The following DNAH1 variants were observed in gnomAD, a reference collection of about 807,000 sequenced individuals.
The protein encoded by DNAH1 is dynein axonemal heavy chain 1.
Under a neutral mutation model 484.3 loss-of-function variants are expected in DNAH1, and 327 were observed. That is an observed-to-expected ratio of 0.68 (90% confidence interval 0.62 to 0.74). The LOEUF is 0.74. Ranked by LOEUF, DNAH1 falls within the 30% of genes least tolerant of loss-of-function variation. The probability of loss-of-function intolerance (pLI) is 0.00; values close to 1 mark genes in which losing one functional copy is unlikely to be tolerated. For synonymous variants in DNAH1, 2,192 were observed against 2,191.9 expected, an observed-to-expected ratio of 1.00 and a Z score of 0.00; for missense variants, 5,052 against 5,546.8, an observed-to-expected ratio of 0.91 and a Z score of 2.83.
Position 52,395,160 on chromosome 3 carries a change from G to A in DNAH1, c.10968+101G>A. 1 of 1,507,354 alleles carries A rather than the reference G, an allele frequency of 6.6e-7. No homozygotes were observed. Among genetic ancestry groups the A allele is most frequent in the Non-Finnish European group, 8.9e-7 (1 of 1,121,924 alleles). The allele number at this position is 1,507,354 out of a possible 1,614,324, so 93.4% of individuals were successfully genotyped here. A position where few individuals can be genotyped will look rare whatever the true frequency, so the allele number is the denominator to read the frequency against. On this transcript the variant is annotated intron_variant, in intron 68 of 77. Coordinates refer to ENST00000420323, the MANE Select transcript of DNAH1 (RefSeq NM_015512.5). This position sits in a 1 kb window ranked among gnomAD's most constrained non-coding sequence, Gnocchi z 4.4. The stretch of plus-strand genomic sequence containing the variant: ...TGGATAGACTACTTGGCCAGGCCAG[G>A]ACCCCTGCTTGCTCCCTAAAGGCTC...
In DNAH1 at chr3:52,388,815, G is replaced by A. The variant is rs374687152; in HGVS notation, c.9373G>A (p.Gly3125Arg). ...GGGGCTGCCCCTCCAGCTCATCAAC[G>A]GGCTGTCGGATGAGAAGGTGCGCTG... ...RLGRAGKLIN[G>R]LSDEKVRWQE... The change falls in exon 59 of 78, where the codon GGG becomes AGG. Residue 3125 changes from glycine (G) to arginine (R), a missense_variant. Around this residue, in one of 4 missense-constraint regions of DNAH1, gnomAD observed 2,929 missense variants for 3,409.4 expected, o/e 0.86. Coordinates refer to ENST00000420323, the MANE Select transcript of DNAH1 (RefSeq NM_015512.5). 5.0e-6 allele frequency: 8 copies of A among 1,613,540 alleles called. No individual in the cohort carries two copies. In the East Asian group the frequency reaches 8.9e-5, roughly 18 times the overall value.
intron 11 of DNAH1, among the ~76,000 whole-genome samples, chr3:52,347,166 G>T (rs1702178157): frequency 6.6e-6 from 1 of 152,220 alleles, no homozygotes; most frequent in Admixed American, 6.5e-5. Context: ...CAGGGAGGAG[G>T]TGGCATCTGT....
At position 52,391,512 on chromosome 3, in the gene DNAH1, A is replaced by C; in HGVS notation, c.9961A>C (p.Arg3321=). The change falls in exon 63 of 78, where the codon AGG becomes CGG. Residue 3321 remains arginine, a synonymous_variant. Transcript: ENST00000420323. ...DTVIPYHEDF[R]MYITTKLPNP... is the part of the protein sequence containing the mutation. ...GGTGATCCCCTACCATGAGGACTTC[A>C]GGATGTACATCACCACCAAGCTGCC... is the stretch of plus-strand genomic sequence containing the variant. 1 of 1,613,682 alleles carries C rather than the reference A, an allele frequency of 6.2e-7. No homozygotes were observed. The highest frequency in any genetic ancestry group is 8.5e-7 in the Non-Finnish European group (1 of 1,179,750).
chr3:52,386,495 G>T (rs902582447), intron 55 of DNAH1, 150 bp downstream of exon 55: 6 of 1,313,378 alleles, frequency 4.6e-6, no homozygotes, highest in Non-Finnish European at 6.1e-6. Flanking sequence ...CCTGGGTTGG[G>T]GAACAGAAGG....
chr3:52,322,067 G>T (rs571182181), intron 1 of DNAH1, among the ~76,000 whole-genome samples: 2 of 152,284 alleles, frequency 1.3e-5, no homozygotes, highest in East Asian at 3.9e-4. Context: ...CTACTGAGAA[G>T]TCAGGCCTTG....
intron 5 of DNAH1, 21 bp from the exon 6 acceptor site, chr3:52,327,861 T>G (rs766048322): frequency 6.2e-7 from 1 of 1,611,456 alleles, no homozygotes; most frequent in South Asian, 1.1e-5. Flanking sequence ...TTCTTCCCAA[T>G]GTTGGCCTGC....
In DNAH1 at chr3:52,379,963, G is replaced by A. The variant is rs763423150; in HGVS notation, c.7436G>A (p.Arg2479Gln). Residue 2479 changes from arginine (R) to glutamine (Q), a missense_variant, in exon 48 of 78, where the codon CGA becomes CAA. Arg to Gln is a conservative substitution (Grantham distance 43). Around this residue, in one of 4 missense-constraint regions of DNAH1, gnomAD observed 2,929 missense variants for 3,409.4 expected, o/e 0.86. Coordinates refer to ENST00000420323, the MANE Select transcript of DNAH1 (RefSeq NM_015512.5). This position sits in a 1 kb window ranked among gnomAD's most constrained non-coding sequence, Gnocchi z 4.4. The part of the protein sequence containing the change: ...YHENCRVFRD[R>Q]LVNEEDRSWF... ...GAGAACTGCCGCGTGTTCCGGGACC[G>A]ACTGGTGAATGAGGAGGACCGCAGC... The A allele has an allele frequency of 1.9e-5, 30 of 1,584,154 alleles. No homozygotes were observed. The highest frequency in any genetic ancestry group is 1.7e-4 in the Middle Eastern group (1 of 6,038).
chr3:52,396,501 G>A lies in DNAH1; in HGVS notation c.11393G>A (p.Ser3798Asn). ...GVRANLLKSY[S>N]SLGEDFLNSC... The stretch of plus-strand genomic sequence containing the variant: ...AGGGCCAACCTGCTGAAGTCCTATA[G>A]TAGCCTTGGTGAAGACTTCCTCAAC... The change falls in exon 71 of 78, where the codon AGT (serine) becomes AAT (asparagine). Residue 3798 changes from serine to asparagine, a missense_variant. By Grantham distance (46) the Ser-to-Asn change is conservative. Around this residue, in one of 4 missense-constraint regions of DNAH1, gnomAD observed 853 missense variants for 899.0 expected, o/e 0.95. Transcript: ENST00000420323. 1 of 1,610,250 alleles carries A rather than the reference G, an allele frequency of 6.2e-7. No homozygotes were observed. The highest frequency in any genetic ancestry group is 1.7e-4 in the Middle Eastern group (1 of 6,060).
In DNAH1 at chr3:52,354,956, C is replaced by T. The variant is rs561641586; in HGVS notation, c.3594C>T (p.Asp1198=). The change falls in exon 21 of 78, where the codon GAC becomes GAT. Residue 1198 remains aspartate, a synonymous_variant. Transcript: ENST00000420323. The stretch of plus-strand genomic sequence containing the variant: ...CGGACGAGGCCTCACAGCTGCTGGA[C>T]GACCACATCGTCATGACCCAGAATA... ...KSPDEASQLL[D]DHIVMTQNMS... 168 of 1,614,004 alleles carry T rather than the reference C, an allele frequency of 1.0e-4. No homozygotes were observed. In the South Asian group the frequency reaches 1.6e-3, roughly 15 times the overall value.
intron 17 of DNAH1, 51 bp downstream of exon 17, chr3:52,352,154 C>T (rs1014169116): frequency 1.7e-5 from 27 of 1,545,596 alleles, no homozygotes; most frequent in East Asian, 9.8e-5. Flanking sequence ...ACCACACGCA[C>T]GCACAGTTCT....
chr3:52,390,808 C>T, intron 60 of DNAH1, 127 bp from the exon 61 acceptor site: 1 of 1,406,600 alleles, frequency 7.1e-7, no homozygotes, highest in African/African-American at 1.4e-5. Flanking sequence ...CTGCCCCCAA[C>T]CTCCAAGGGG....
intron 65 of DNAH1, 80 bp from the exon 66 acceptor site, chr3:52,393,254 G>A: frequency 6.3e-7 from 1 of 1,588,900 alleles, no homozygotes; most frequent in South Asian, 1.1e-5. Context: ...CTGCTGGGGA[G>A]ACTGGCTAGG....
Position 52,368,777 on chromosome 3 carries a change from G to T in DNAH1, c.5802G>T (p.Gly1934=). ...DGIFSSFIRA[G]AITSDTNKKW... ...TATTCTCCTCGTTCATCCGGGCGGGGGCCATCACCTCCGACACCAACAAGA... is the reference window on the plus strand; with the variant it reads ...TATTCTCCTCGTTCATCCGGGCGGGTGCCATCACCTCCGACACCAACAAGA... The change falls in exon 37 of 78, where the codon GGG becomes GGT. Residue 1934 remains glycine, a synonymous_variant. Coordinates refer to ENST00000420323, the MANE Select transcript of DNAH1 (RefSeq NM_015512.5). The surrounding 1 kb of genome is among the most constrained non-coding windows in gnomAD (Gnocchi z 4.4). 6.2e-7 allele frequency: 1 copy of T among 1,613,920 alleles called. No individual in the cohort carries two copies. Among genetic ancestry groups the T allele is most frequent in the South Asian group, 1.1e-5 (1 of 91,072 alleles).
At chr3:52,323,909 G>A in intron 3 of DNAH1, 29 bp downstream of exon 3, 2 of 1,521,702 alleles carry the variant, frequency 1.3e-6, no homozygotes, top group Non-Finnish European at 1.8e-6. Flanking sequence ...TGTGTGAGTG[G>A]GTCCCGGTAG....
rs1228148339 is a variant in DNAH1 at position 52,353,826 on chromosome 3, C to T, written c.3480+193C>T. On this transcript the variant is annotated intron_variant, in intron 20 of 77. Coordinates refer to ENST00000420323, the MANE Select transcript of DNAH1 (RefSeq NM_015512.5). This position sits in a 1 kb window ranked among gnomAD's most constrained non-coding sequence, Gnocchi z 5.0. ...CACATAAAATTCTTGACAGTGTCCA[C>T]CATTGCTATTATTTTTCAGTTACTC... 9.3e-6 allele frequency: 7 copies of T among 750,050 alleles called. No individual in the cohort carries two copies. In the Admixed American group the frequency reaches 2.1e-4, roughly 23 times the overall value. 46.5% of individuals were successfully genotyped at this position (750,050 alleles called of 1,614,324 possible). A position where few individuals can be genotyped will look rare whatever the true frequency, so the allele number is the denominator to read the frequency against.
At chr3:52,371,380 G>A (rs562105997) in intron 41 of DNAH1, among the ~76,000 whole-genome samples, 4 of 152,362 alleles carry the variant, frequency 2.6e-5, no homozygotes, top group East Asian at 1.9e-4. Context: ...TGGGTCTAAC[G>A]TTTAAGACTG....
At position 52,373,201 on chromosome 3, in the gene DNAH1, G is replaced by A. The variant is rs542961386; in HGVS notation, c.6985+148G>A. The A allele has an allele frequency of 2.9e-5, 35 of 1,188,058 alleles. No individual in the cohort carries two copies. The South Asian group carries it at 4.8e-4, about 16-fold the overall frequency. The allele number at this position is 1,188,058 out of a possible 1,614,324, so 73.6% of individuals were successfully genotyped here. A position where few individuals can be genotyped will look rare whatever the true frequency, so the allele number is the denominator to read the frequency against. On this transcript the variant is annotated intron_variant, in intron 44 of 77. Coordinates refer to ENST00000420323, the MANE Select transcript of DNAH1 (RefSeq NM_015512.5). ...AAAATTAAAGGGGAGGAGGGGGGCC[G>A]GCTGGGGGAGGGGCGGAGAGACGCC...
chr3:52,318,337 C>T (rs919250287), intron 1 of DNAH1, among the ~76,000 whole-genome samples: 1 of 152,342 alleles, frequency 6.6e-6, no homozygotes, highest in African/African-American at 2.4e-5. Flanking sequence ...TGAGCCACTG[C>T]GCCCGGCCTG....
Position 52,368,817 on chromosome 3 carries a change from G to C in DNAH1, c.5842G>C (p.Asp1948His). The C allele has an allele frequency of 6.2e-7, 1 of 1,614,012 alleles. No individual in the cohort carries two copies. Among genetic ancestry groups the C allele is most frequent in the Non-Finnish European group, 8.5e-7 (1 of 1,179,902 alleles). ...SDTNKKWYMF[D>H]GPVDAIWIEN... ...CACCAACAAGAAGTGGTACATGTTC[G>C]ATGGGCCGGTGGATGCCATCTGGAT... is the stretch of plus-strand genomic sequence containing the variant. Residue 1948 changes from aspartate (D) to histidine (H), a missense_variant, in exon 37 of 78, where the codon GAT becomes CAT. Coordinates refer to ENST00000420323, the MANE Select transcript of DNAH1 (RefSeq NM_015512.5). The surrounding 1 kb of genome is among the most constrained non-coding windows in gnomAD (Gnocchi z 4.4).
Sources: gnomAD v4.1 joint callset for allele counts (sites outside exome capture counted in the v4.1 genomes callset) on GRCh38, gnomAD v4.1.1 for gene constraint, gnomAD v4.1.1 regional missense constraint, Gnocchi (gnomAD v3.1) non-coding constraint, MANE v1.5 for transcripts, NCBI Gene and HGNC (gene_info 2026-07-23, HGNC 2026-07-21) for gene names.